SESTD1: variants seen among roughly 807,000 people sequenced by gnomAD.
SESTD1 encodes SEC14 domain and spectrin repeat-containing protein 1.
Under a neutral mutation model 101.7 loss-of-function variants are expected in SESTD1, and 43 were observed. The observed-to-expected ratio is 0.42, with a 90% CI of 0.33 to 0.55. The LOEUF is 0.55. SESTD1 is among the 20% of genes least tolerant of loss of function. SESTD1 has a pLI of 0.07. For missense variants in SESTD1, 647 were observed against 815.1 expected (o/e 0.79, Z 2.51); for synonymous variants, 283 against 286.8 (o/e 0.99, Z 0.13).
intron 1 of SESTD1, among the ~76,000 whole-genome samples, chr2:179,246,489 CTT>C (rs1470600760): frequency 6.6e-6 from 1 of 152,170 alleles, no homozygotes; most frequent in African/African-American, 2.4e-5. Context: ...CTCTCGCTCT[CTT>C]TCTCTCTCTC....
At chr2:179,121,515 A>G (rs192981542) in intron 13 of SESTD1, among the ~76,000 whole-genome samples, 4 of 152,236 alleles carry the variant, frequency 2.6e-5, no homozygotes, top group Admixed American at 1.3e-4. Context: ...CACTGGGGAT[A>G]TGGAATTTGA....
chr2:179,119,915 T>C (rs1444490332), intron 13 of SESTD1, among the ~76,000 whole-genome samples: 1 of 152,168 alleles, frequency 6.6e-6, no homozygotes, highest in Non-Finnish European at 1.5e-5. Context: ...TGTGAGCCCA[T>C]TAAGCCTCTT....
chr2:179,102,473 A>C lies in SESTD1; in HGVS notation c.*7426T>G, dbSNP rs946056499. 6.6e-6 allele frequency: 1 copy of C among 152,114 alleles called. No individual in the cohort carries two copies. Among genetic ancestry groups the C allele is most frequent in the Non-Finnish European group, 1.5e-5 (1 of 68,026 alleles). The allele number at this position is 152,114 out of a possible 1,614,324, so 9.4% of individuals were successfully genotyped here. A position where few individuals can be genotyped will look rare whatever the true frequency, so the allele number is the denominator to read the frequency against. On this transcript the variant is annotated 3_prime_UTR_variant, in exon 18 of 18. Transcript: ENST00000428443. ...TAACAGAAATCAAACTTATTGTCCAAAGTGACAATATATCAAAGAAATACA... is the reference window on the plus strand; with the variant it reads ...TAACAGAAATCAAACTTATTGTCCACAGTGACAATATATCAAAGAAATACA...
At chr2:179,220,592 ATTTCCT>A (rs894710203) in intron 1 of SESTD1, among the ~76,000 whole-genome samples, 5 of 151,994 alleles carry the variant, frequency 3.3e-5, no homozygotes, top group African/African-American at 9.7e-5. Context: ...AACCTGAACC[ATTTCCT>A]TTTCCTTTTC....
At chr2:179,238,764 A>G (rs1286845986) in intron 1 of SESTD1, among the ~76,000 whole-genome samples, 1 of 152,142 alleles carries the variant, frequency 6.6e-6, no homozygotes, top group Non-Finnish European at 1.5e-5. Context: ...CTTCTTCCTC[A>G]GAGGAAAGGC....
chr2:179,232,246 CA>C (rs11453861), intron 1 of SESTD1, among the ~76,000 whole-genome samples: 14 of 151,456 alleles, frequency 9.2e-5, no homozygotes, highest in African/African-American at 3.1e-4. Flanking sequence ...ATACATTTTC[CA>C]AAAAAAGATA....
At chr2:179,125,691 A>G (rs2044858566) in intron 10 of SESTD1, among the ~76,000 whole-genome samples, 1 of 152,210 alleles carries the variant, frequency 6.6e-6, no homozygotes, top group Admixed American at 6.5e-5. Flanking sequence ...AGTCTTTGGC[A>G]ATCCTTTTAT....
chr2:179,116,217 T>C (rs964384360), intron 15 of SESTD1, among the ~76,000 whole-genome samples: 2 of 150,558 alleles, frequency 1.3e-5, no homozygotes, highest in Non-Finnish European at 3.0e-5. Context: ...GAGGTTGCAG[T>C]GAGCTGAGAT....
Position 179,191,824 on chromosome 2 carries a change from T to A in SESTD1, c.18A>T (p.Ile6=), listed in dbSNP as rs567318293. 8.2e-5 allele frequency: 133 copies of A among 1,612,762 alleles called. 1 individual carries two copies. In the South Asian group the frequency reaches 1.4e-3, roughly 17 times the overall value. The change falls in exon 2 of 18, where the codon ATA becomes ATT. Residue 6 remains isoleucine (I), a synonymous_variant. Coordinates refer to ENST00000428443, the MANE Select transcript of SESTD1 (RefSeq NM_178123.5). ...CTAGTTTTTTCTTCAGAATGGGTAA[T>A]ATTACTGAGGCCTCCATTTTACTCC... is the stretch of plus-strand genomic sequence containing the variant. The part of the protein sequence containing the change: MEASV[I]LPILKKKLAF...
At chr2:179,257,520 T>A (rs564706674) in intron 1 of SESTD1, among the ~76,000 whole-genome samples, 3 of 152,368 alleles carry the variant, frequency 2.0e-5, no homozygotes, top group Non-Finnish European at 4.4e-5. Flanking sequence ...ATTGAGATAT[T>A]TGCTTTACTG....
intron 1 of SESTD1, among the ~76,000 whole-genome samples, chr2:179,232,963 G>C (rs1052924296): frequency 6.6e-6 from 1 of 152,166 alleles, no homozygotes; most frequent in Non-Finnish European, 1.5e-5. Context: ...ACACTTTTCT[G>C]TGTATAGCTT....
chr2:179,232,135 T>A (rs141806795), intron 1 of SESTD1, among the ~76,000 whole-genome samples: 1 of 152,214 alleles, frequency 6.6e-6, no homozygotes, highest in East Asian at 1.9e-4. Flanking sequence ...AGCAACAGTA[T>A]ATTTTATGAA....
At chr2:179,174,386 T>C in intron 4 of SESTD1, 1 of 454,660 alleles carries the variant, frequency 2.2e-6, no homozygotes, top group Non-Finnish European at 4.5e-6. Flanking sequence ...GGGGATTAAA[T>C]CATCCATTGA....
intron 3 of SESTD1, among the ~76,000 whole-genome samples, chr2:179,179,379 A>AT (rs1172982263): frequency 2.6e-5 from 4 of 152,162 alleles, no homozygotes; most frequent in African/African-American, 7.2e-5. Context: ...AGCTGAGTTA[A>AT]AACAGCTATG....
intron 10 of SESTD1, 51 bp downstream of exon 10, chr2:179,132,253 T>C: frequency 1.3e-6 from 2 of 1,496,888 alleles, no homozygotes; most frequent in Non-Finnish European, 1.8e-6. Flanking sequence ...ATGCTACTAA[T>C]TACCCACGTT....
chr2:179,115,335 T>C (rs2044605013), intron 15 of SESTD1, 79 bp from the exon 16 acceptor site: 7 of 1,127,084 alleles, frequency 6.2e-6, no homozygotes. Flanking sequence ...AGGAAGATTG[T>C]CGTTACAGTT....
At position 179,136,420 on chromosome 2, in the gene SESTD1, C is replaced by T. The variant is rs367885327; in HGVS notation, c.850-3994G>A. 8.5e-5 allele frequency among the ~76,000 whole-genome samples: 13 copies of T among 152,256 alleles called. No individual in the cohort carries two copies. The South Asian group carries it at 1.9e-3, about 22-fold the overall frequency. ...TGAGAAAGTCCCTGAACTACTGTAT[C>T]CGACACTTTAAGAAACAGAAATAAA... is the stretch of plus-strand genomic sequence containing the variant. On this transcript the variant is annotated intron_variant, in intron 9 of 17. Transcript: ENST00000428443.
At chr2:179,112,985 A>G in intron 16 of SESTD1, 140 bp from the exon 17 acceptor site, 1 of 1,152,576 alleles carries the variant, frequency 8.7e-7, no homozygotes, top group Non-Finnish European at 1.2e-6. Context: ...TTGGTAGATT[A>G]AAGGCATTTT....
chr2:179,152,010 C>A (rs998858014), intron 5 of SESTD1, among the ~76,000 whole-genome samples: 4 of 151,756 alleles, frequency 2.6e-5, no homozygotes, highest in Non-Finnish European at 2.9e-5. Flanking sequence ...TAAATAAGTA[C>A]CTAAGAGACC....
Sources: gnomAD v4.1 joint callset for allele counts (sites outside exome capture counted in the v4.1 genomes callset) on GRCh38, gnomAD v4.1.1 for gene constraint, MANE v1.5 for transcripts, NCBI Gene and HGNC (gene_info 2026-07-23, HGNC 2026-07-21) for gene names.